The following PTPRD variants were observed in gnomAD, a reference collection of about 807,000 sequenced individuals.
The protein encoded by PTPRD is receptor-type tyrosine-protein phosphatase delta.
Under a neutral mutation model 214.5 loss-of-function variants are expected in PTPRD, and 34 were observed. That is an observed-to-expected ratio of 0.16 (90% CI 0.12 to 0.21). PTPRD has a LOEUF of 0.21. Among genes scored for constraint, PTPRD ranks in the 10% least tolerant of loss-of-function variants. The pLI, the probability that PTPRD is intolerant of heterozygous loss-of-function variation, is 1.00. For synonymous variants in PTPRD, 1,128 were observed against 845.7 expected, an observed-to-expected ratio of 1.33 and a Z score of -5.79; for missense variants, 2,545 against 2,398.7, an observed-to-expected ratio of 1.06 and a Z score of -1.27.
intron 3 of PTPRD, among the ~76,000 whole-genome samples, chr9:10,222,361 G>C (rs1008280807): frequency 6.6e-6 from 1 of 151,914 alleles, no homozygotes; most frequent in African/African-American, 2.4e-5. Context: ...AATAGAAATT[G>C]GCCACTGTTT....
chr9:8,486,450 T>C (rs1050276560), intron 27 of PTPRD, 101 bp from the exon 28 acceptor site: 1 of 1,047,654 alleles, frequency 9.5e-7, no homozygotes, highest in Non-Finnish European at 1.5e-6. Context: ...ATTCCCATTT[T>C]CTTACTTACC....
rs140717504 is a variant in PTPRD, at chr9:9,310,385, G to A, written c.-203+87064C>T. On this transcript the variant is annotated intron_variant, in intron 9 of 45. Transcript: ENST00000381196. ...CTGCAGACTAGTAGCATGTGGCCCTGCTTGGGGTTTCTTCTCTCTTGCTCC... is the reference window on the plus strand; with the variant it reads ...CTGCAGACTAGTAGCATGTGGCCCTACTTGGGGTTTCTTCTCTCTTGCTCC... Among the ~76,000 whole-genome samples the A allele has an allele frequency of 1.4e-4, 21 of 152,130 alleles. No homozygotes were observed. The East Asian group carries it at 3.9e-3, about 28-fold the overall frequency.
intron 10 of PTPRD, among the ~76,000 whole-genome samples, chr9:9,021,948 G>T (rs1360080514): frequency 6.8e-6 from 1 of 147,702 alleles, no homozygotes; most frequent in Non-Finnish European, 1.5e-5. Flanking sequence ...ACAGGGAGGG[G>T]AACATCACAC....
intron 5 of PTPRD, among the ~76,000 whole-genome samples, chr9:9,806,255 A>C (rs770594205): frequency 6.6e-6 from 1 of 151,362 alleles, no homozygotes; most frequent in Non-Finnish European, 1.5e-5. Flanking sequence ...CTAAAATAAT[A>C]GTTGGTTGTA....
intron 30 of PTPRD, among the ~76,000 whole-genome samples, chr9:8,471,424 T>C (rs2096650721): frequency 6.6e-6 from 1 of 152,124 alleles, no homozygotes; most frequent in South Asian, 2.1e-4. Context: ...CACAAGCTGC[T>C]GAACCAAATA....
At chr9:8,742,439 A>G (rs1331380440) in intron 11 of PTPRD, among the ~76,000 whole-genome samples, 1 of 152,318 alleles carries the variant, frequency 6.6e-6, no homozygotes. Context: ...CTACATCAAT[A>G]TAACTGATTT....
At chr9:10,348,017 C>G (rs1369777540) in intron 2 of PTPRD, among the ~76,000 whole-genome samples, 1 of 152,098 alleles carries the variant, frequency 6.6e-6, no homozygotes, top group East Asian at 2.0e-4. Context: ...GAGATCATGC[C>G]ACTGCACTCC....
intron 8 of PTPRD, among the ~76,000 whole-genome samples, chr9:9,512,628 G>A (rs2096737002): frequency 6.6e-6 from 1 of 151,634 alleles, no homozygotes; most frequent in South Asian, 2.1e-4. Context: ...TAAAAATCAT[G>A]GCATCTTGTA....
At chr9:9,883,443 C>G (rs1004041790) in intron 5 of PTPRD, among the ~76,000 whole-genome samples, 4 of 152,056 alleles carry the variant, frequency 2.6e-5, no homozygotes, top group African/African-American at 9.7e-5. Context: ...AGGAGGTCAA[C>G]TAGGAGAACA....
intron 14 of PTPRD, among the ~76,000 whole-genome samples, chr9:8,568,228 T>A (rs2154222961): frequency 6.6e-6 from 1 of 152,296 alleles, no homozygotes; most frequent in African/African-American, 2.4e-5. Context: ...TAATACCATT[T>A]ATCAAAACCT....
At chr9:9,515,113 A>G (rs921875210) in intron 8 of PTPRD, among the ~76,000 whole-genome samples, 6 of 152,102 alleles carry the variant, frequency 3.9e-5, no homozygotes, top group Non-Finnish European at 8.8e-5. Flanking sequence ...TTGATTTTCC[A>G]GTAAGTCTCA....
intron 9 of PTPRD, among the ~76,000 whole-genome samples, chr9:9,334,745 T>C (rs548833055): frequency 6.6e-5 from 10 of 152,072 alleles, no homozygotes; most frequent in African/African-American, 2.4e-4. Flanking sequence ...TAGTGTCTAT[T>C]ATTATCATGA....
intron 11 of PTPRD, among the ~76,000 whole-genome samples, chr9:8,803,729 G>A (rs964151757): frequency 2.0e-5 from 3 of 149,334 alleles, no homozygotes; most frequent in African/African-American, 7.4e-5. Context: ...GTGATACCCT[G>A]TCTCAAATTA....
intron 10 of PTPRD, among the ~76,000 whole-genome samples, chr9:9,032,927 G>C (rs1454080403): frequency 3.7e-4 from 57 of 152,122 alleles, no homozygotes; most frequent in Non-Finnish European, 1.5e-5. Context: ...ATGTGCACTA[G>C]GGAAACCTCT....
chr9:10,390,674 G>T (rs1280860619), intron 2 of PTPRD, among the ~76,000 whole-genome samples: 2 of 151,566 alleles, frequency 1.3e-5, no homozygotes, highest in Non-Finnish European at 1.5e-5. Context: ...TTCTCTTCAA[G>T]ATGGGGAAAT....
intron 14 of PTPRD, among the ~76,000 whole-genome samples, chr9:8,617,056 C>G (rs1016842837): frequency 6.6e-6 from 1 of 152,066 alleles, no homozygotes; most frequent in Admixed American, 6.6e-5. Context: ...GTCCAAAATA[C>G]TTATTTACAA....
chr9:9,145,825 C>T (rs116024119), intron 10 of PTPRD, among the ~76,000 whole-genome samples: 259 of 152,224 alleles, frequency 1.7e-3, no homozygotes, highest in African/African-American at 5.9e-3. Flanking sequence ...TACCTGACTA[C>T]GATTCCCTCA....
intron 9 of PTPRD, among the ~76,000 whole-genome samples, chr9:9,224,212 G>C (rs2099957984): frequency 6.6e-6 from 1 of 151,988 alleles, no homozygotes; most frequent in African/African-American, 2.4e-5. Flanking sequence ...ATAGACTCAA[G>C]AGTAAGAAGC....
chr9:9,947,855 A>C (rs1004573402), intron 4 of PTPRD, among the ~76,000 whole-genome samples: 3 of 150,702 alleles, frequency 2.0e-5, no homozygotes, highest in Non-Finnish European at 4.4e-5. Context: ...TAAATCAGCC[A>C]TCCCTGACAG....
Sources: allele counts gnomAD v4.1 joint callset (sites outside exome capture counted in the v4.1 genomes callset), GRCh38; gene constraint gnomAD v4.1.1; transcripts MANE v1.5; gene names NCBI Gene and HGNC (gene_info 2026-07-23, HGNC 2026-07-21).